The following APCDD1L variants were observed in gnomAD, a reference collection of about 807,000 sequenced individuals.
APCDD1L encodes the protein APC down-regulated 1 like.
APCDD1L carries 21 observed loss-of-function variants against 24.2 expected under a neutral mutation model. The ratio of observed to expected loss-of-function variants is 0.87; its 90% CI spans 0.61 to 1.25. The LOEUF is 1.25. APCDD1L is among the 50% of genes most tolerant of loss of function. APCDD1L has a pLI of 0.00. For synonymous variants in APCDD1L, 321 were observed against 323.6 expected (o/e 0.99, Z 0.09); for missense variants, 704 against 711.7 (o/e 0.99, Z 0.12).
chr20:58,487,410 T>TAA lies in APCDD1L; in HGVS notation c.50-16665_50-16664dup, dbSNP rs11335260. 2.1e-5 allele frequency among the ~76,000 whole-genome samples: 3 copies of TAA among 141,234 alleles called. No homozygotes were observed. In the East Asian group the frequency reaches 6.0e-4, roughly 28 times the overall value. 92.7% of individuals were successfully genotyped at this position (141,234 alleles called of 152,430 possible). ...ATAAATAAACTAATTCCTTAAATAT[T>TAA]AAAAAAAAAAAAACAAGAAAGGAGG... On this transcript the variant is annotated intron_variant, in intron 1 of 3. Transcript: ENST00000371149.
At chr20:58,475,280 C>T (rs1044976342) in intron 1 of APCDD1L, among the ~76,000 whole-genome samples, 3 of 152,092 alleles carry the variant, frequency 2.0e-5, no homozygotes, top group Non-Finnish European at 4.4e-5. Flanking sequence ...CTGAGGTTCT[C>T]GAAGCAAGGC....
At chr20:58,490,548 A>G (rs139938068) in intron 1 of APCDD1L, among the ~76,000 whole-genome samples, 1 of 152,258 alleles carries the variant, frequency 6.6e-6, no homozygotes, top group East Asian at 1.9e-4. Context: ...TCCCAACTCA[A>G]CCTCTCTGTA....
Position 58,512,174 on chromosome 20 carries a change from A to G in APCDD1L, c.49+2485T>C, listed in dbSNP as rs575267642. 3.3e-5 allele frequency among the ~76,000 whole-genome samples: 5 copies of G among 152,362 alleles called. No individual in the cohort carries two copies. The South Asian group carries it at 1.0e-3, about 32-fold the overall frequency. On this transcript the variant is annotated intron_variant, in intron 1 of 3. Transcript: ENST00000371149. Reference sequence around the variant, plus strand: ...ACAAGAGGGAGGGAGAGCAAATGGGAAAAATCAACGTCCAAATTAGAAACT... The same window carrying G: ...ACAAGAGGGAGGGAGAGCAAATGGGGAAAATCAACGTCCAAATTAGAAACT...
chr20:58,460,620 A>T lies in APCDD1L; in HGVS notation c.*170T>A. 1 of 838,470 alleles carries T rather than the reference A, an allele frequency of 1.2e-6. No individual in the cohort carries two copies. The highest frequency in any genetic ancestry group is 1.7e-6 in the Non-Finnish European group (1 of 589,882). 51.9% of individuals were successfully genotyped at this position (838,470 alleles called of 1,614,324 possible). On this transcript the variant is annotated 3_prime_UTR_variant, in exon 4 of 4. Coordinates refer to ENST00000371149, the MANE Select transcript of APCDD1L (RefSeq NM_153360.3). The surrounding 1 kb of genome is among the most constrained non-coding windows in gnomAD (Gnocchi z 4.2). ...ATGTGGTATAGGCTTTGCAGGGGTT[A>T]AGCTCATGTCCTGAGCCACATGGGA... is the stretch of plus-strand genomic sequence containing the variant.
chr20:58,461,480 G>T lies in APCDD1L; in HGVS notation c.816C>A (p.Pro272=). ...CCAGGTGCAGGGGCAGGGCCAGAGGGGGCGGCAGCACGGGCGGGTGGTGCA... is the reference window on the plus strand; with the variant it reads ...CCAGGTGCAGGGGCAGGGCCAGAGGTGGCGGCAGCACGGGCGGGTGGTGCA... ...SDVHHPPVLP[P]PLALPLHLGG... is the part of the protein sequence containing the mutation. The change falls in exon 4 of 4, where the codon CCC becomes CCA. Residue 272 remains proline, a synonymous_variant. Transcript: ENST00000371149. This position sits in a 1 kb window ranked among gnomAD's most constrained non-coding sequence, Gnocchi z 6.0. 6.8e-7 allele frequency: 1 copy of T among 1,476,204 alleles called. No homozygotes were observed. Among genetic ancestry groups the T allele is most frequent in the African/African-American group, 1.4e-5 (1 of 71,012 alleles). 91.4% of individuals were successfully genotyped at this position (1,476,204 alleles called of 1,614,324 possible). A position where few individuals can be genotyped will look rare whatever the true frequency, so the allele number is the denominator to read the frequency against.
chr20:58,462,144 A>G (rs951556818), intron 3 of APCDD1L, among the ~76,000 whole-genome samples: 5 of 152,196 alleles, frequency 3.3e-5, no homozygotes, highest in Non-Finnish European at 5.9e-5. Flanking sequence ...GGGACCTGAG[A>G]GAACTTGTCC....
In APCDD1L at chr20:58,494,312, T is replaced by A. The variant is rs1990279756; in HGVS notation, c.49+20347A>T. 6.6e-6 allele frequency among the ~76,000 whole-genome samples: 1 copy of A among 152,074 alleles called. No individual in the cohort carries two copies. Among genetic ancestry groups the A allele is most frequent in the South Asian group, 2.1e-4 (1 of 4,820 alleles). On this transcript the variant is annotated intron_variant, in intron 1 of 3. Coordinates refer to ENST00000371149, the MANE Select transcript of APCDD1L (RefSeq NM_153360.3). The surrounding 1 kb of genome is among the most constrained non-coding windows in gnomAD (Gnocchi z 4.8). ...TACTTTTCTTTTCTCTTCTCTCTTC[T>A]CTTCTCTTCTTTTCCTTTCCTTTCT...
rs531784798 is a variant in APCDD1L, at chr20:58,514,962, A to T, written c.-255T>A. 1 of 351,764 alleles carries T rather than the reference A, an allele frequency of 2.8e-6. No individual in the cohort carries two copies. The highest frequency in any genetic ancestry group is 4.8e-5 in the Admixed American group (1 of 21,002). 21.8% of individuals were successfully genotyped at this position (351,764 alleles called of 1,614,324 possible). ...GGAGACAGCCCCCGGCGAGGCGCGC[A>T]CACCCGCGCAGCGCGCACAGCCCCC... On this transcript the variant is annotated 5_prime_UTR_variant, in exon 1 of 4. Coordinates refer to ENST00000371149, the MANE Select transcript of APCDD1L (RefSeq NM_153360.3).
intron 1 of APCDD1L, among the ~76,000 whole-genome samples, chr20:58,476,511 T>TTG (rs1989913536): frequency 6.6e-6 from 1 of 152,188 alleles, no homozygotes; most frequent in African/African-American, 2.4e-5. Context: ...TGAATGCCTG[T>TTG]TGTATGCCTG....
chr20:58,511,774 G>A (rs1037319328), intron 1 of APCDD1L, among the ~76,000 whole-genome samples: 1 of 152,102 alleles, frequency 6.6e-6, no homozygotes, highest in African/African-American at 2.4e-5. Context: ...TGGGTTTCAA[G>A]GCAGAGCTCC....
chr20:58,514,814 G>T lies in APCDD1L; in HGVS notation c.-107C>A. On this transcript the variant is annotated 5_prime_UTR_variant, in exon 1 of 4. Transcript: ENST00000371149. ...TGCGGGCGCCGGCGGCCAGGCTGGA[G>T]TCCTGCGAAGAAGTTGCGAGGGTCC... 1.1e-6 allele frequency: 1 copy of T among 916,746 alleles called. No individual in the cohort carries two copies. Among genetic ancestry groups the T allele is most frequent in the Non-Finnish European group, 1.4e-6 (1 of 690,508 alleles). The allele number at this position is 916,746 out of a possible 1,614,324, so 56.8% of individuals were successfully genotyped here.
At chr20:58,472,618 G>A (rs953547621) in intron 1 of APCDD1L, among the ~76,000 whole-genome samples, 1 of 152,198 alleles carries the variant, frequency 6.6e-6, no homozygotes, top group Non-Finnish European at 1.5e-5. Context: ...TGTAATCTTG[G>A]TTCATCCTGC....
intron 1 of APCDD1L, among the ~76,000 whole-genome samples, chr20:58,493,368 T>A (rs536302296): frequency 5.3e-5 from 8 of 152,342 alleles, no homozygotes; most frequent in African/African-American, 1.9e-4. Context: ...TTTTGGTAAC[T>A]CTAGCACATT....
In APCDD1L at chr20:58,470,583, A is replaced by G. The variant is rs761861941; in HGVS notation, c.188+26T>C. 3.8e-6 allele frequency: 6 copies of G among 1,573,618 alleles called. No homozygotes were observed. In the East Asian group the frequency reaches 1.1e-4, roughly 30 times the overall value. ...CAGAAGTCTCCCAGTCCAGGGGTCC[A>G]TGGTCAGGATGACCTGAAGTCTTAC... On this transcript the variant is annotated intron_variant, in intron 2 of 3. Coordinates refer to ENST00000371149, the MANE Select transcript of APCDD1L (RefSeq NM_153360.3).
chr20:58,463,529 T>G (rs988894795), intron 3 of APCDD1L, among the ~76,000 whole-genome samples: 10 of 152,218 alleles, frequency 6.6e-5, no homozygotes, highest in Non-Finnish European at 1.0e-4. Flanking sequence ...TCTTTCTTCT[T>G]TCTCCTTCTT....
In APCDD1L at chr20:58,497,166, G is replaced by A. The variant is rs867386385; in HGVS notation, c.49+17493C>T. On this transcript the variant is annotated intron_variant, in intron 1 of 3. Transcript: ENST00000371149. This position sits in a 1 kb window ranked among gnomAD's most constrained non-coding sequence, Gnocchi z 4.3. ...GATGGGGGATGAGGAGGGGGTTGGC[G>A]GGAGTATGGGAGCTGGTGAAAGGGG... Among the ~76,000 whole-genome samples, 15 of 151,782 alleles carry A rather than the reference G, an allele frequency of 9.9e-5. No homozygotes were observed. The highest frequency in any genetic ancestry group is 2.9e-4 in the African/African-American group (12 of 41,306).
chr20:58,467,221 G>GGCTGCGGCTGCAGGCGGC lies in APCDD1L; in HGVS notation c.608_625dup (p.Arg203_Gln208dup). 6.2e-7 allele frequency: 1 copy of GGCTGCGGCTGCAGGCGGC among 1,600,582 alleles called. No individual in the cohort carries two copies. Among genetic ancestry groups the GGCTGCGGCTGCAGGCGGC allele is most frequent in the Non-Finnish European group, 8.5e-7 (1 of 1,177,934 alleles). ...CTCCACCAGCCGGGGCGACGCCCGG[G>GGCTGCGGCTGCAGGCGGC]GCTGCGGCTGCAGGCGGCGCTGCAC... On this transcript the variant is annotated inframe_insertion, in exon 3 of 4. Coordinates refer to ENST00000371149, the MANE Select transcript of APCDD1L (RefSeq NM_153360.3). The surrounding 1 kb of genome is among the most constrained non-coding windows in gnomAD (Gnocchi z 5.9).
Position 58,514,723 on chromosome 20 carries a change from A to G in APCDD1L, c.-16T>C. ...CTGCGGGCATCCCGTCGGGGCTGGC[A>G]GGACCGCCCGCCGGGCGCTGCCACG... is the stretch of plus-strand genomic sequence containing the variant. On this transcript the variant is annotated 5_prime_UTR_variant, in exon 1 of 4. Coordinates refer to ENST00000371149, the MANE Select transcript of APCDD1L (RefSeq NM_153360.3). The G allele has an allele frequency of 7.7e-7, 1 of 1,301,854 alleles. No individual in the cohort carries two copies. Among genetic ancestry groups the G allele is most frequent in the Middle Eastern group, 2.1e-4 (1 of 4,862 alleles). The allele number at this position is 1,301,854 out of a possible 1,614,324, so 80.6% of individuals were successfully genotyped here. A position where few individuals can be genotyped will look rare whatever the true frequency, so the allele number is the denominator to read the frequency against.
intron 1 of APCDD1L, among the ~76,000 whole-genome samples, chr20:58,483,351 T>C (rs777335728): frequency 6.6e-6 from 1 of 151,120 alleles, no homozygotes; most frequent in Non-Finnish European, 1.5e-5. Flanking sequence ...TTGCAGGGGG[T>C]GAGATCAGGT....
Sources: gnomAD v4.1 joint callset for allele counts (sites outside exome capture counted in the v4.1 genomes callset) on GRCh38, gnomAD v4.1.1 for gene constraint, Gnocchi (gnomAD v3.1) non-coding constraint, MANE v1.5 for transcripts, NCBI Gene and HGNC (gene_info 2026-07-23, HGNC 2026-07-21) for gene names.